Variants in NUP214 observed in about 807,000 individuals in gnomAD.
The protein encoded by NUP214 is nucleoporin 214, also known as nuclear pore complex protein Nup214.
In NUP214, 79 loss-of-function variants were observed where a neutral mutation model predicts 196.2. The observed-to-expected ratio is 0.40, with a 90% CI of 0.34 to 0.49. The LOEUF is 0.49. Among genes scored for constraint, NUP214 ranks in the 20% least tolerant of loss-of-function variants. The pLI is 0.58. For missense variants in NUP214, 2,468 were observed against 2,539.0 expected (o/e 0.97, Z 0.60); for synonymous variants, 1,020 against 990.5 (o/e 1.03, Z -0.56).
At chr9:131,158,030 G>A (rs1424452967) in intron 17 of NUP214, among the ~76,000 whole-genome samples, 3 of 151,642 alleles carry the variant, frequency 2.0e-5, no homozygotes, top group Non-Finnish European at 4.4e-5. Context: ...TAATACACCC[G>A]TCCTGGCCTC....
chr9:131,149,291 G>T (rs1000508381), intron 14 of NUP214, among the ~76,000 whole-genome samples: 4 of 137,268 alleles, frequency 2.9e-5, no homozygotes, highest in African/African-American at 5.3e-5. Flanking sequence ...GACCTCTCTA[G>T]TGTTAATCGT....
At position 131,175,819 on chromosome 9, in the gene NUP214, G is replaced by A. The variant is rs182121823; in HGVS notation, c.3319+198G>A. 3.1e-5 allele frequency: 24 copies of A among 777,426 alleles called. No homozygotes were observed. In the African/African-American group the frequency reaches 4.3e-4, roughly 14 times the overall value. 48.2% of individuals were successfully genotyped at this position (777,426 alleles called of 1,614,324 possible). ...AGGTCTGAAAATCTTTGCTTTTAAG[G>A]GGAGGGATTAGAACTGCCACATTTA... is the stretch of plus-strand genomic sequence containing the variant. On this transcript the variant is annotated intron_variant, in intron 23 of 35. Coordinates refer to ENST00000359428, the MANE Select transcript of NUP214 (RefSeq NM_005085.4).
chr9:131,159,174 A>G, intron 17 of NUP214: 1 of 552,726 alleles, frequency 1.8e-6, no homozygotes, highest in Non-Finnish European at 3.2e-6. Context: ...TTGGCCTCCC[A>G]GGGTGTTGGG....
Position 131,199,005 on chromosome 9 carries a change from C to T in NUP214, c.5511C>T (p.Cys1837=), listed in dbSNP as rs1833874675. Residue 1837 remains cysteine (C), a synonymous_variant, in exon 29 of 36, where the codon TGC becomes TGT. Transcript: ENST00000359428. ...TTAATSGFSF[C]QASGFGSSNT... ...CAGCAACCTCTGGGTTCAGCTTTTG[C>T]CAAGCTTCAGGTAAGAATTTGTGGA... 1.3e-6 allele frequency: 2 copies of T among 1,592,520 alleles called. No individual in the cohort carries two copies. Among genetic ancestry groups the T allele is most frequent in the Non-Finnish European group, 1.7e-6 (2 of 1,167,756 alleles).
intron 9 of NUP214, among the ~76,000 whole-genome samples, chr9:131,137,552 CTTTTTTTTTTT>C (rs11338707): frequency 1.1e-5 from 1 of 88,714 alleles, no homozygotes; most frequent in Admixed American, 1.3e-4. Flanking sequence ...CTGGTGGTAT[CTTTTTTTTTTT>C]TTTTTTTTTT....
At chr9:131,215,946 A>G (rs1185934956) in intron 31 of NUP214, among the ~76,000 whole-genome samples, 1 of 124,440 alleles carries the variant, frequency 8.0e-6, no homozygotes, top group Non-Finnish European at 1.6e-5. Flanking sequence ...CTTGTTGCCC[A>G]GGCTGGTGTG....
chr9:131,198,258 T>G lies in NUP214; in HGVS notation c.4764T>G (p.Phe1588Leu). ...AGGCAGTACCACCTGCTTCCTCCTTTTCTGTGCCTGGGCAGACTGCTGTCA... is the reference window on the plus strand; with the variant it reads ...AGGCAGTACCACCTGCTTCCTCCTTGTCTGTGCCTGGGCAGACTGCTGTCA... ...RTEAVPPASS[F>L]SVPGQTAVTA... Residue 1588 changes from phenylalanine to leucine, a missense_variant, in exon 29 of 36, where the codon TTT becomes TTG. Phe to Leu is a conservative substitution (Grantham distance 22, BLOSUM62 0). Around this residue, in one of 5 missense-constraint regions of NUP214, gnomAD observed 1,801 missense variants for 1,779.4 expected, o/e 1.01. Coordinates refer to ENST00000359428, the MANE Select transcript of NUP214 (RefSeq NM_005085.4). 1 of 1,614,208 alleles carries G rather than the reference T, an allele frequency of 6.2e-7. No homozygotes were observed. Among genetic ancestry groups the G allele is most frequent in the South Asian group, 1.1e-5 (1 of 91,080 alleles).
In NUP214 at chr9:131,147,416, A is replaced by G. The variant is rs186693184; in HGVS notation, c.1946-74A>G. 4.5e-4 allele frequency: 512 copies of G among 1,126,018 alleles called. 4 individuals are homozygous for G. In the African/African-American group the frequency reaches 6.8e-3, roughly 15 times the overall value. The allele number at this position is 1,126,018 out of a possible 1,614,324, so 69.8% of individuals were successfully genotyped here. ...GTGTAACTTAATTTCTTAGATTTGG[A>G]GAAAGGACATTTGTGATAGGAGAAA... On this transcript the variant is annotated intron_variant, in intron 13 of 35. Transcript: ENST00000359428.
At chr9:131,132,391 G>T (rs951203703) in intron 5 of NUP214, among the ~76,000 whole-genome samples, 1 of 152,138 alleles carries the variant, frequency 6.6e-6, no homozygotes, top group African/African-American at 2.4e-5. Context: ...TGAGATTACA[G>T]GCATGAGTCA....
intron 28 of NUP214, among the ~76,000 whole-genome samples, chr9:131,196,025 T>TCCGTCCCCCCCCCCCCCCCCCCCCCCCC (rs1554737948): frequency 2.7e-4 from 1 of 3,666 alleles, no homozygotes; most frequent in Non-Finnish European, 6.3e-4. Context: ...ACTCTGTGTG[T>TCCGTCCCCCCCCCCCCCCCCCCCCCCCC]CCCCCCCCCC....
At chr9:131,128,622 A>G (rs1299437569) in intron 3 of NUP214, 139 bp downstream of exon 3, 19 of 654,692 alleles carry the variant, frequency 2.9e-5, no homozygotes, top group Non-Finnish European at 3.1e-5. Context: ...AAAAATCCTT[A>G]ATTATAGAAT....
At chr9:131,155,631 G>A (rs190175597) in intron 17 of NUP214, among the ~76,000 whole-genome samples, 1 of 152,226 alleles carries the variant, frequency 6.6e-6, no homozygotes, top group Non-Finnish European at 1.5e-5. Flanking sequence ...TTAAGTCTTC[G>A]ATCCATCTTG....
At chr9:131,217,828 G>A (rs777675447) in intron 31 of NUP214, among the ~76,000 whole-genome samples, 1 of 152,230 alleles carries the variant, frequency 6.6e-6, no homozygotes, top group East Asian at 1.9e-4. Context: ...GCTCTTGACT[G>A]TCAAGGAGTT....
chr9:131,139,882 T>A (rs1303297835), intron 10 of NUP214, among the ~76,000 whole-genome samples: 2 of 152,220 alleles, frequency 1.3e-5, no homozygotes, highest in Non-Finnish European at 2.9e-5. Flanking sequence ...AGATCTTCCC[T>A]GCAGTAGCTT....
At chr9:131,133,365 T>G in intron 7 of NUP214, 156 bp downstream of exon 7, 2 of 526,566 alleles carry the variant, frequency 3.8e-6, no homozygotes, top group Non-Finnish European at 6.5e-6. Flanking sequence ...AGTGCAGTGA[T>G]GCGATCTCAC....
intron 8 of NUP214, 128 bp from the exon 9 acceptor site, chr9:131,135,812 C>G: frequency 1.5e-6 from 1 of 651,218 alleles, no homozygotes; most frequent in Non-Finnish European, 2.7e-6. Flanking sequence ...CTTTGTTCAA[C>G]CAGATAAAAA....
chr9:131,144,608 A>T lies in NUP214; in HGVS notation c.1623A>T (p.Pro541=), dbSNP rs558342171. Residue 541 remains proline, a synonymous_variant, in exon 12 of 36, where the codon CCA becomes CCT. Coordinates refer to ENST00000359428, the MANE Select transcript of NUP214 (RefSeq NM_005085.4). ...CCCCTGCAGCGTCTCCTGTGGCTCCATCAGCTGCTTCATTCTCCTTTGGAT... is the reference window on the plus strand; with the variant it reads ...CCCCTGCAGCGTCTCCTGTGGCTCCTTCAGCTGCTTCATTCTCCTTTGGAT... ...APTPAASPVA[P]SAASFSFGSS... is the part of the protein sequence containing the mutation. 2.0e-4 allele frequency: 328 copies of T among 1,613,986 alleles called. 2 individuals are homozygous for T. The highest frequency in any genetic ancestry group is 1.7e-3 in the South Asian group (153 of 91,074).
At position 131,197,672 on chromosome 9, in the gene NUP214, C is replaced by T; in HGVS notation, c.4178C>T (p.Thr1393Ile). Residue 1393 changes from threonine (T) to isoleucine (I), a missense_variant, in exon 29 of 36, where the codon ACC becomes ATC. Thr to Ile is a moderately conservative substitution (Grantham distance 89). Transcript: ENST00000359428. ...GAGCCCCCTGTGACATCCTCTGCAA[C>T]CACCACCTCAGTAGCACCACCAGCA... ...HTEPPVTSSATTTSVAPPAAT... is the reference protein window; with the variant it reads ...HTEPPVTSSAITTSVAPPAAT... The T allele has an allele frequency of 6.2e-7, 1 of 1,614,200 alleles. No individual in the cohort carries two copies. Among genetic ancestry groups the T allele is most frequent in the Non-Finnish European group, 8.5e-7 (1 of 1,180,030 alleles).
intron 28 of NUP214, among the ~76,000 whole-genome samples, chr9:131,196,195 G>A (rs1588160189): frequency 6.6e-6 from 1 of 151,856 alleles, no homozygotes; most frequent in Non-Finnish European, 1.5e-5. Flanking sequence ...TCTCACTGTT[G>A]TCATCCAGGC....
Sources: gnomAD v4.1 joint callset for allele counts (sites outside exome capture counted in the v4.1 genomes callset) on GRCh38, gnomAD v4.1.1 for gene constraint, gnomAD v4.1.1 regional missense constraint, MANE v1.5 for transcripts, NCBI Gene and HGNC (gene_info 2026-07-23, HGNC 2026-07-21) for gene names.